The following CHSY3 variants were observed in gnomAD, a reference collection of about 807,000 sequenced individuals.
The protein encoded by CHSY3 is N-acetylgalactosaminyl-proteoglycan 3-beta-glucuronosyltransferase 3.
A neutral mutation model predicts 67.2 loss-of-function variants in CHSY3; 35 were observed. That is an observed-to-expected ratio of 0.52 (90% confidence interval 0.40 to 0.69). CHSY3 has a LOEUF of 0.69. Ranked by LOEUF, CHSY3 falls within the 30% of genes least tolerant of loss-of-function variation. CHSY3 has a pLI of 0.00. For synonymous variants in CHSY3, 474 were observed against 434.7 expected, an observed-to-expected ratio of 1.09 and a Z score of -1.12; for missense variants, 1,069 against 1,138.5, an observed-to-expected ratio of 0.94 and a Z score of 0.88.
At chr5:129,994,072 G>A (rs1327548227) in intron 2 of CHSY3, among the ~76,000 whole-genome samples, 6 of 152,146 alleles carry the variant, frequency 3.9e-5, no homozygotes, top group South Asian at 4.1e-4. Flanking sequence ...AGTTTCTGCC[G>A]AGAGATCAGC....
chr5:130,098,896 G>C (rs575998980), intron 2 of CHSY3, among the ~76,000 whole-genome samples: 1 of 152,144 alleles, frequency 6.6e-6, no homozygotes, highest in Non-Finnish European at 1.5e-5. Flanking sequence ...TTAATTATTA[G>C]TGTTTTCTAA....
rs1423362789 is a variant in CHSY3, at chr5:129,964,050, G to C, written c.1086+55690G>C. 2.0e-5 allele frequency among the ~76,000 whole-genome samples: 3 copies of C among 151,836 alleles called. No homozygotes were observed. In the East Asian group the frequency reaches 5.8e-4, roughly 30 times the overall value. Reference sequence around the variant, plus strand: ...ATTGCCAGTCAGAAACAGATACAGTGGGCAACCTTTCCCTCAAGCCCATCT... The same window carrying C: ...ATTGCCAGTCAGAAACAGATACAGTCGGCAACCTTTCCCTCAAGCCCATCT... On this transcript the variant is annotated intron_variant, in intron 2 of 2. Coordinates refer to ENST00000305031, the MANE Select transcript of CHSY3 (RefSeq NM_175856.5).
chr5:130,044,648 G>A (rs1293409628), intron 2 of CHSY3, among the ~76,000 whole-genome samples: 1 of 152,114 alleles, frequency 6.6e-6, no homozygotes, highest in Non-Finnish European at 1.5e-5. Context: ...CAATGAAAAG[G>A]ATAGAGGAAT....
intron 2 of CHSY3, among the ~76,000 whole-genome samples, chr5:130,035,886 G>GTTTT (rs1180462327): frequency 0.018 from 1,166 of 65,544 alleles, 96 homozygotes; most frequent in African/African-American, 0.065. Flanking sequence ...TCATTTGGTT[G>GTTTT]TTTTTTTTTT....
intron 2 of CHSY3, among the ~76,000 whole-genome samples, chr5:130,158,281 T>C (rs142459167): frequency 0.02 from 3,081 of 152,284 alleles, 38 homozygotes; most frequent in Middle Eastern, 0.058. Context: ...ACAATCAAAG[T>C]TGTCTGGCTG....
chr5:129,947,644 CA>C (rs764262451), intron 2 of CHSY3, among the ~76,000 whole-genome samples: 1 of 150,594 alleles, frequency 6.6e-6, no homozygotes, highest in Non-Finnish European at 1.5e-5. Context: ...CAAAACGAAA[CA>C]AAAAAAATGA....
At chr5:130,057,192 G>A (rs1318420845) in intron 2 of CHSY3, among the ~76,000 whole-genome samples, 5 of 151,732 alleles carry the variant, frequency 3.3e-5, no homozygotes, top group Non-Finnish European at 7.4e-5. Flanking sequence ...CCAAAGTGCT[G>A]GGATTACAGG....
intron 2 of CHSY3, among the ~76,000 whole-genome samples, chr5:130,094,073 G>A (rs1766968570): frequency 6.6e-6 from 1 of 152,062 alleles, no homozygotes; most frequent in Non-Finnish European, 1.5e-5. Context: ...TCAGTAAAGG[G>A]GCTCGGTAGG....
chr5:130,150,255 C>A (rs1769197609), intron 2 of CHSY3, among the ~76,000 whole-genome samples: 1 of 151,984 alleles, frequency 6.6e-6, no homozygotes, highest in South Asian at 2.1e-4. Flanking sequence ...TTAGGTCTAA[C>A]AATATCATTA....
chr5:130,141,330 GT>G, intron 2 of CHSY3: 1 of 385,142 alleles, frequency 2.6e-6, no homozygotes, highest in Non-Finnish European at 5.1e-6. Flanking sequence ...AACCAGCGTG[GT>G]GTGCTTATTT....
chr5:129,991,030 C>G (rs1406881352), intron 2 of CHSY3, among the ~76,000 whole-genome samples: 3 of 151,980 alleles, frequency 2.0e-5, no homozygotes, highest in Non-Finnish European at 4.4e-5. Flanking sequence ...AATAGAGCAC[C>G]AAGGTGAGAG....
At chr5:130,003,784 A>G (rs1763800169) in intron 2 of CHSY3, among the ~76,000 whole-genome samples, 1 of 152,174 alleles carries the variant, frequency 6.6e-6, no homozygotes, top group African/African-American at 2.4e-5. Flanking sequence ...ATTGAAGTAT[A>G]TGACTGCCAA....
chr5:130,133,186 T>A lies in CHSY3; in HGVS notation c.1087-51043T>A, dbSNP rs535037845. Among the ~76,000 whole-genome samples the A allele has an allele frequency of 1.1e-4, 17 of 152,284 alleles. No individual in the cohort carries two copies. In the South Asian group the frequency reaches 3.5e-3, roughly 32 times the overall value. On this transcript the variant is annotated intron_variant, in intron 2 of 2. Coordinates refer to ENST00000305031, the MANE Select transcript of CHSY3 (RefSeq NM_175856.5). ...ATAGACATAAAAAGGACTCAGAGTC[T>A]CAGCACCATGAGAAGGGCAAGAGGC...
At chr5:130,151,175 G>C (rs1241024944) in intron 2 of CHSY3, among the ~76,000 whole-genome samples, 1 of 152,206 alleles carries the variant, frequency 6.6e-6, no homozygotes, top group Non-Finnish European at 1.5e-5. Flanking sequence ...CTGATTTGTT[G>C]TGATCCACTA....
At chr5:130,020,087 A>G (rs1223618554) in intron 2 of CHSY3, among the ~76,000 whole-genome samples, 1 of 152,228 alleles carries the variant, frequency 6.6e-6, no homozygotes, top group African/African-American at 2.4e-5. Context: ...AGATCTTGCT[A>G]AAATATAAAT....
intron 2 of CHSY3, among the ~76,000 whole-genome samples, chr5:129,925,486 G>A (rs547909658): frequency 9.2e-5 from 14 of 152,170 alleles, no homozygotes; most frequent in Admixed American, 3.3e-4. Context: ...GGTGTACAAC[G>A]TGGTTTTGAT....
At position 129,904,721 on chromosome 5, in the gene CHSY3, T is replaced by TA. The variant is rs1760164995; in HGVS notation, c.-109_-108insA. On this transcript the variant is annotated 5_prime_UTR_variant, in exon 1 of 3. Transcript: ENST00000305031. Reference sequence around the variant, plus strand: ...CGGTGTCGGCGCCTAGGCGGCCGGCTGCGGCCGCGGCTGGGGGCGCAAAGG... The same window carrying TA: ...CGGTGTCGGCGCCTAGGCGGCCGGCTAGCGGCCGCGGCTGGGGGCGCAAAGG... 2 of 1,225,122 alleles carry TA rather than the reference T, an allele frequency of 1.6e-6. No homozygotes were observed. The highest frequency in any genetic ancestry group is 6.5e-5 in the East Asian group (2 of 30,706). 75.9% of individuals were successfully genotyped at this position (1,225,122 alleles called of 1,614,324 possible). A position where few individuals can be genotyped will look rare whatever the true frequency, so the allele number is the denominator to read the frequency against.
At chr5:130,031,414 G>T (rs1457751339) in intron 2 of CHSY3, among the ~76,000 whole-genome samples, 2 of 152,044 alleles carry the variant, frequency 1.3e-5, no homozygotes, top group Non-Finnish European at 2.9e-5. Flanking sequence ...CTCACTGTGT[G>T]CACAAAATAT....
intron 2 of CHSY3, among the ~76,000 whole-genome samples, chr5:130,126,161 A>G (rs79961149): frequency 0.047 from 7,213 of 152,184 alleles, 445 homozygotes; most frequent in East Asian, 0.27. Context: ...TCTTATCAAT[A>G]TGGAGTCCCT....
Sources: gnomAD v4.1 joint callset for allele counts (sites outside exome capture counted in the v4.1 genomes callset) on GRCh38, gnomAD v4.1.1 for gene constraint, MANE v1.5 for transcripts, NCBI Gene and HGNC (gene_info 2026-07-23, HGNC 2026-07-21) for gene names.